DOCK3: variants seen among roughly 807,000 people sequenced by gnomAD.
DOCK3 encodes dedicator of cytokinesis 3, also known as dedicator of cytokinesis protein 3.
A neutral mutation model predicts 265.6 loss-of-function variants in DOCK3; 60 were observed. That is an observed-to-expected ratio of 0.23 (90% CI 0.18 to 0.28). The LOEUF is 0.28. Among genes scored for constraint, DOCK3 ranks in the 10% least tolerant of loss-of-function variants. DOCK3 has a pLI of 1.00. For synonymous variants in DOCK3, 881 were observed against 938.0 expected (o/e 0.94, Z 1.11); for missense variants, 1,981 against 2,594.3 (o/e 0.76, Z 5.14).
intron 2 of DOCK3, among the ~76,000 whole-genome samples, chr3:50,793,332 G>T (rs1329098442): frequency 1.4e-5 from 2 of 145,498 alleles, no homozygotes; most frequent in Non-Finnish European, 1.5e-5. Context: ...CCATCTATCT[G>T]TTTTATTAAT....
intron 27 of DOCK3, among the ~76,000 whole-genome samples, chr3:51,288,577 A>G (rs1055701087): frequency 5.9e-5 from 9 of 152,102 alleles, no homozygotes; most frequent in African/African-American, 2.2e-4. Context: ...AAACCTGCAC[A>G]TGTACCCCTG....
At chr3:50,677,069 G>A (rs2034022244) in intron 1 of DOCK3, among the ~76,000 whole-genome samples, 1 of 152,192 alleles carries the variant, frequency 6.6e-6, no homozygotes. Flanking sequence ...TGCATTCCTA[G>A]GATTGTGTTT....
At chr3:50,903,584 T>G (rs570457526) in intron 4 of DOCK3, among the ~76,000 whole-genome samples, 1 of 152,264 alleles carries the variant, frequency 6.6e-6, no homozygotes, top group Admixed American at 6.5e-5. Flanking sequence ...TTGTTGAGGA[T>G]TTTTGCATCA....
At chr3:51,150,045 A>C (rs1041530123) in intron 10 of DOCK3, among the ~76,000 whole-genome samples, 28 of 152,200 alleles carry the variant, frequency 1.8e-4, no homozygotes, top group African/African-American at 6.3e-4. Context: ...CAGGGATTCA[A>C]CTTCTTCCTG....
intron 10 of DOCK3, among the ~76,000 whole-genome samples, chr3:51,156,463 A>T (rs2085856740): frequency 6.6e-6 from 1 of 151,650 alleles, no homozygotes; most frequent in African/African-American, 2.4e-5. Flanking sequence ...TCATGTGAGT[A>T]ATATAATGTA....
Position 51,260,286 on chromosome 3 carries a change from G to T in DOCK3, c.2315G>T (p.Ser772Ile). ...ELFQSIRFVL[S>I]LDSRNSETLL... ...TTCCAGTCCATCCGGTTTGTGCTCA[G>T]TCTGGACAGCCGAAACTCAGAAACA... Residue 772 changes from serine (S) to isoleucine (I), a missense_variant, in exon 23 of 53, where the codon AGT becomes ATT. Around this residue, in one of 4 missense-constraint regions of DOCK3, gnomAD observed 1,357 missense variants for 1,866.8 expected, o/e 0.73. Coordinates refer to ENST00000266037, the MANE Select transcript of DOCK3 (RefSeq NM_004947.5). The T allele has an allele frequency of 2.5e-6, 4 of 1,613,954 alleles. No individual in the cohort carries two copies. Among genetic ancestry groups the T allele is most frequent in the Non-Finnish European group, 2.5e-6 (3 of 1,179,886 alleles).
intron 9 of DOCK3, among the ~76,000 whole-genome samples, chr3:51,094,579 G>C (rs986821107): frequency 1.3e-5 from 2 of 151,774 alleles, no homozygotes; most frequent in African/African-American, 4.8e-5. Context: ...AGTCTGGCTA[G>C]AGGTCTATTT....
At chr3:51,265,091 A>G (rs1186632192) in intron 23 of DOCK3, among the ~76,000 whole-genome samples, 1 of 152,142 alleles carries the variant, frequency 6.6e-6, no homozygotes, top group Non-Finnish European at 1.5e-5. Flanking sequence ...CAAATAAACT[A>G]GAAACTCTGG....
At chr3:50,877,675 C>CTTTTCTTTTCT (rs1553690884) in intron 3 of DOCK3, 82 of 366,692 alleles carry the variant, frequency 2.2e-4, no homozygotes, top group Non-Finnish European at 3.9e-4. Context: ...CTTTTCTTTT[C>CTTTTCTTTTCT]TTTTCTTTTT....
intron 5 of DOCK3, among the ~76,000 whole-genome samples, chr3:51,030,029 G>C (rs372705792): frequency 6.6e-6 from 1 of 152,110 alleles, no homozygotes; most frequent in Non-Finnish European, 1.5e-5. Flanking sequence ...ATTATCAGAG[G>C]GGGAAGGGGA....
chr3:50,971,453 G>A (rs1175729929), intron 5 of DOCK3, among the ~76,000 whole-genome samples: 1 of 152,120 alleles, frequency 6.6e-6, no homozygotes, highest in Non-Finnish European at 1.5e-5. Context: ...GACAACCTTT[G>A]TGGGGTGGTT....
chr3:51,328,904 G>A (rs969598281), intron 32 of DOCK3, among the ~76,000 whole-genome samples: 2 of 152,142 alleles, frequency 1.3e-5, no homozygotes, highest in Non-Finnish European at 2.9e-5. Flanking sequence ...TGTAATCCCA[G>A]CAGTTTGGGA....
chr3:50,896,135 G>A (rs777663273), intron 4 of DOCK3, among the ~76,000 whole-genome samples: 3 of 152,166 alleles, frequency 2.0e-5, no homozygotes, highest in South Asian at 2.1e-4. Flanking sequence ...ACACTCCCAC[G>A]AACAGTGTAA....
At chr3:51,227,170 G>T in intron 15 of DOCK3, 113 bp from the exon 16 acceptor site, 1 of 1,198,448 alleles carries the variant, frequency 8.3e-7, no homozygotes, top group Non-Finnish European at 1.2e-6. Context: ...CATAGATTTT[G>T]CTTAGAGCAA....
At chr3:50,794,135 G>A (rs1400115611) in intron 2 of DOCK3, among the ~76,000 whole-genome samples, 2 of 152,144 alleles carry the variant, frequency 1.3e-5, no homozygotes, top group Admixed American at 1.3e-4. Flanking sequence ...ATTTGCTGAG[G>A]AGTGTTTTGT....
intron 3 of DOCK3, among the ~76,000 whole-genome samples, chr3:50,879,528 A>G (rs1236935204): frequency 2.0e-4 from 30 of 152,250 alleles, no homozygotes; most frequent in Admixed American, 2.0e-3. Context: ...CAAAAGAGAC[A>G]AAGAAGGGCA....
At chr3:50,685,455 T>G (rs1039723596) in intron 1 of DOCK3, 1 of 152,646 alleles carries the variant, frequency 6.6e-6, no homozygotes, top group Admixed American at 6.5e-5. Context: ...TCTAGTGATT[T>G]GACATTATTA....
At chr3:50,978,807 C>T (rs1193140885) in intron 5 of DOCK3, among the ~76,000 whole-genome samples, 3 of 152,288 alleles carry the variant, frequency 2.0e-5, no homozygotes, top group Middle Eastern at 3.4e-3. Flanking sequence ...TCTCCGTGGG[C>T]GTAGGACCCT....
chr3:50,690,275 G>A lies in DOCK3; in HGVS notation c.37+14975G>A, dbSNP rs141969341. 1.7e-4 allele frequency among the ~76,000 whole-genome samples: 26 copies of A among 151,914 alleles called. 1 individual carries two copies. The East Asian group carries it at 4.9e-3, about 29-fold the overall frequency. Reference sequence around the variant, plus strand: ...AGCCTCACCAGTAGCTAGTACTATAGGCATGTGCCACCATGCCTGGCTGAT... The same window carrying A: ...AGCCTCACCAGTAGCTAGTACTATAAGCATGTGCCACCATGCCTGGCTGAT... On this transcript the variant is annotated intron_variant, in intron 1 of 52. Transcript: ENST00000266037.
Sources: gnomAD v4.1 joint callset for allele counts (sites outside exome capture counted in the v4.1 genomes callset) on GRCh38, gnomAD v4.1.1 for gene constraint, gnomAD v4.1.1 regional missense constraint, MANE v1.5 for transcripts, NCBI Gene and HGNC (gene_info 2026-07-23, HGNC 2026-07-21) for gene names.